TAFA1: variants seen among roughly 807,000 people sequenced by gnomAD.
The protein encoded by TAFA1 is TAFA chemokine like family member 1, also known as chemokine-like protein TAFA-1.
A neutral mutation model predicts 18.5 loss-of-function variants in TAFA1; 4 were observed. That is an observed-to-expected ratio of 0.22 (90% CI 0.11 to 0.49). The LOEUF (loss-of-function observed/expected upper bound fraction) is 0.49, where lower values mean the gene tolerates loss of function less well. TAFA1 is among the 20% of genes least tolerant of loss of function. The pLI, the probability that TAFA1 is intolerant of heterozygous loss-of-function variation, is 0.98. For missense variants in TAFA1, 147 were observed against 169.0 expected, an observed-to-expected ratio of 0.87 and a Z score of 0.72; for synonymous variants, 56 against 55.2, an observed-to-expected ratio of 1.01 and a Z score of -0.06.
intron 2 of TAFA1, among the ~76,000 whole-genome samples, chr3:68,012,308 A>G (rs371585938): frequency 2.0e-5 from 3 of 152,226 alleles, no homozygotes; most frequent in African/African-American, 7.2e-5. Flanking sequence ...TATTGCAACA[A>G]TGGTTTTAAT....
At chr3:68,491,173 G>C (rs2072445840) in intron 3 of TAFA1, among the ~76,000 whole-genome samples, 2 of 152,126 alleles carry the variant, frequency 1.3e-5, no homozygotes, top group African/African-American at 4.8e-5. Flanking sequence ...AAGGGATCCA[G>C]CCATCCCATT....
At chr3:68,301,160 A>G (rs1175407721) in intron 2 of TAFA1, among the ~76,000 whole-genome samples, 8 of 152,178 alleles carry the variant, frequency 5.3e-5, no homozygotes, top group Admixed American at 4.6e-4. Context: ...CCCAATTTAT[A>G]CTGTTCCCTG....
At chr3:68,111,332 A>G (rs2065259909) in intron 2 of TAFA1, among the ~76,000 whole-genome samples, 1 of 152,172 alleles carries the variant, frequency 6.6e-6, no homozygotes, top group African/African-American at 2.4e-5. Flanking sequence ...CATGAATTCC[A>G]TGCCCAATAA....
intron 3 of TAFA1, among the ~76,000 whole-genome samples, chr3:68,508,680 G>A (rs983618911): frequency 7.2e-5 from 11 of 151,956 alleles, no homozygotes; most frequent in Admixed American, 3.9e-4. Context: ...ATTCTTATGA[G>A]GGAAATCAGA....
intron 2 of TAFA1, among the ~76,000 whole-genome samples, chr3:68,106,819 G>T (rs995074204): frequency 6.6e-5 from 10 of 151,962 alleles, no homozygotes; most frequent in African/African-American, 2.4e-4. Context: ...CTACACCCAA[G>T]AAAAAGTGTT....
intron 2 of TAFA1, among the ~76,000 whole-genome samples, chr3:68,178,145 C>A (rs1039145463): frequency 2.8e-5 from 4 of 142,792 alleles, no homozygotes; most frequent in African/African-American, 4.9e-5. Context: ...CTCCATCCCC[C>A]CCTCCCCAAA....
intron 3 of TAFA1, among the ~76,000 whole-genome samples, chr3:68,499,445 T>C (rs1484440286): frequency 1.7e-3 from 115 of 65,960 alleles, no homozygotes; most frequent in African/African-American, 2.3e-3. Flanking sequence ...TGTGTTCCTT[T>C]CTTTTTTTTT....
intron 2 of TAFA1, among the ~76,000 whole-genome samples, chr3:68,202,076 T>C (rs1328027816): frequency 6.6e-6 from 1 of 151,656 alleles, no homozygotes; most frequent in Non-Finnish European, 1.5e-5. Context: ...CCCAAACACT[T>C]CCCACTAAGT....
intron 2 of TAFA1, among the ~76,000 whole-genome samples, chr3:68,179,876 A>G (rs1430746729): frequency 6.6e-6 from 1 of 151,964 alleles, no homozygotes; most frequent in African/African-American, 2.4e-5. Context: ...CATTTACCTG[A>G]CCCCATTTAT....
chr3:68,301,389 C>A (rs2068301037), intron 2 of TAFA1, among the ~76,000 whole-genome samples: 2 of 152,106 alleles, frequency 1.3e-5, no homozygotes, highest in Admixed American at 6.6e-5. Context: ...TGCATAGTAT[C>A]CTGTTATATA....
rs553533687 is a variant in TAFA1, at chr3:68,513,980, T to G, written c.260-24776T>G. Among the ~76,000 whole-genome samples the G allele has an allele frequency of 2.6e-5, 4 of 152,330 alleles. No homozygotes were observed. The South Asian group carries it at 6.2e-4, about 24-fold the overall frequency. On this transcript the variant is annotated intron_variant, in intron 3 of 4. Transcript: ENST00000478136. ...CTCACAGTTGTGGAAGCTGGAAAGT[T>G]AAAGATCAAGGTGCTTTGCAGATTT...
chr3:68,518,367 A>C (rs1218479357), intron 3 of TAFA1, among the ~76,000 whole-genome samples: 1 of 152,110 alleles, frequency 6.6e-6, no homozygotes, highest in African/African-American at 2.4e-5. Context: ...AGTATTATTT[A>C]TTTTGTCATT....
chr3:68,523,352 A>G (rs2073057210), intron 3 of TAFA1, among the ~76,000 whole-genome samples: 1 of 152,256 alleles, frequency 6.6e-6, no homozygotes, highest in African/African-American at 2.4e-5. Flanking sequence ...TATTAAAAGT[A>G]CTGTGTAGAG....
chr3:68,356,716 T>G (rs2069373262), intron 2 of TAFA1, among the ~76,000 whole-genome samples: 2 of 152,048 alleles, frequency 1.3e-5, no homozygotes, highest in Admixed American at 6.6e-5. Flanking sequence ...TGCAGCTTCT[T>G]TTGACTCACG....
rs1262896833 is a variant in TAFA1 at position 68,420,271 on chromosome 3, AT to A, written c.259+2857del. On this transcript the variant is annotated intron_variant, in intron 3 of 4. Transcript: ENST00000478136. ...GGGAAGGTCAAGCTATTTTATTTTT[AT>A]TTTTTAGAGACAGGATCTTGCTCTG... Among the ~76,000 whole-genome samples, 3 of 152,168 alleles carry A rather than the reference AT, an allele frequency of 2.0e-5. No homozygotes were observed. In the East Asian group the frequency reaches 5.8e-4, roughly 29 times the overall value.
chr3:68,380,490 G>T (rs1039950326), intron 2 of TAFA1, among the ~76,000 whole-genome samples: 7 of 152,096 alleles, frequency 4.6e-5, no homozygotes, highest in Non-Finnish European at 1.0e-4. Context: ...TCTCATTGTG[G>T]TTTTGATTTG....
chr3:68,420,974 T>G (rs61679746), intron 3 of TAFA1, among the ~76,000 whole-genome samples: 6,245 of 152,264 alleles, frequency 0.041, 167 homozygotes, highest in East Asian at 0.12. Context: ...TGGTTTCTCA[T>G]GTTCTTTGCC....
chr3:68,410,705 CAAA>C (rs34714719), intron 2 of TAFA1, among the ~76,000 whole-genome samples: 20 of 36,650 alleles, frequency 5.5e-4, no homozygotes, highest in South Asian at 1.8e-3. Flanking sequence ...TTTCCATAAG[CAAA>C]AAAAAAAAAA....
intron 3 of TAFA1, among the ~76,000 whole-genome samples, chr3:68,518,503 T>C (rs2072962391): frequency 6.6e-6 from 1 of 152,246 alleles, no homozygotes; most frequent in African/African-American, 2.4e-5. Flanking sequence ...AACATATTTA[T>C]ATTTAATTGA....
Sources: gnomAD v4.1 joint callset for allele counts (sites outside exome capture counted in the v4.1 genomes callset) on GRCh38, gnomAD v4.1.1 for gene constraint, MANE v1.5 for transcripts, NCBI Gene and HGNC (gene_info 2026-07-23, HGNC 2026-07-21) for gene names.